The following CDH2 variants were observed in gnomAD, a reference collection of about 807,000 sequenced individuals.
CDH2 encodes the protein cadherin 2.
A neutral mutation model predicts 92.0 loss-of-function variants in CDH2; 17 were observed. The observed-to-expected ratio is 0.18, with a 90% CI of 0.13 to 0.28. The LOEUF (loss-of-function observed/expected upper bound fraction) is 0.28, where lower values mean the gene tolerates loss of function less well. Among genes scored for constraint, CDH2 ranks in the 10% least tolerant of loss-of-function variants. CDH2 has a pLI of 1.00. For missense variants in CDH2, 862 were observed against 1,133.1 expected, an observed-to-expected ratio of 0.76 and a Z score of 3.44; for synonymous variants, 419 against 415.9, an observed-to-expected ratio of 1.01 and a Z score of -0.09.
At chr18:28,058,154 T>C (rs1009903745) in intron 2 of CDH2, among the ~76,000 whole-genome samples, 2 of 152,242 alleles carry the variant, frequency 1.3e-5, no homozygotes, top group African/African-American at 4.8e-5. Flanking sequence ...AAGCAGTACA[T>C]GCAGGAAAGC....
At chr18:28,087,076 T>C (rs959454306) in intron 2 of CDH2, among the ~76,000 whole-genome samples, 1 of 152,192 alleles carries the variant, frequency 6.6e-6, no homozygotes, top group Middle Eastern at 3.2e-3. Flanking sequence ...AGCAGCTCTG[T>C]TGAGACAGCC....
intron 1 of CDH2, among the ~76,000 whole-genome samples, chr18:28,173,167 A>T (rs2016489330): frequency 6.6e-6 from 1 of 152,172 alleles, no homozygotes; most frequent in African/African-American, 2.4e-5. Flanking sequence ...TTAGAAGGTT[A>T]GGGCAGACTT....
intron 2 of CDH2, among the ~76,000 whole-genome samples, chr18:28,138,395 T>C (rs1258773881): frequency 6.6e-6 from 1 of 152,126 alleles, no homozygotes; most frequent in African/African-American, 2.4e-5. Flanking sequence ...AAATCCATTC[T>C]GGGCTGTACT....
At chr18:27,955,369 T>TAAAAAAAAAA (rs760993428) in intron 15 of CDH2, among the ~76,000 whole-genome samples, 4 of 30,850 alleles carry the variant, frequency 1.3e-4, no homozygotes, top group South Asian at 8.7e-4. Flanking sequence ...AGTATAATAG[T>TAAAAAAAAAA]AAAAAAAAAA....
chr18:28,145,718 T>G (rs1255792264), intron 2 of CDH2, among the ~76,000 whole-genome samples: 1 of 152,088 alleles, frequency 6.6e-6, no homozygotes, highest in Non-Finnish European at 1.5e-5. Flanking sequence ...GTTGTTTTTT[T>G]CTACTAATCA....
At chr18:27,985,294 T>G in intron 12 of CDH2, 61 bp from the exon 13 acceptor site, 1 of 978,972 alleles carries the variant, frequency 1.0e-6, no homozygotes, top group Non-Finnish European at 1.6e-6. Context: ...AAAAAACACA[T>G]AGCATTGTTC....
chr18:27,985,968 C>G (rs967406817), intron 11 of CDH2, among the ~76,000 whole-genome samples: 4 of 152,128 alleles, frequency 2.6e-5, no homozygotes, highest in African/African-American at 7.2e-5. Flanking sequence ...GCTGCCACTG[C>G]TGCTCTGCAG....
At chr18:28,041,676 C>G (rs1322887224) in intron 2 of CDH2, among the ~76,000 whole-genome samples, 1 of 152,168 alleles carries the variant, frequency 6.6e-6, no homozygotes, top group African/African-American at 2.4e-5. Flanking sequence ...AATTAAGAAG[C>G]AGTGCAGGCA....
At chr18:28,147,609 T>G in intron 2 of CDH2, 64 bp downstream of exon 2, 1 of 1,018,156 alleles carries the variant, frequency 9.8e-7, no homozygotes, top group Non-Finnish European at 1.5e-6. Flanking sequence ...TAGGCTTTTT[T>G]AATGGCTAAT....
At chr18:27,975,512 G>A (rs562951346) in intron 14 of CDH2, among the ~76,000 whole-genome samples, 48 of 152,330 alleles carry the variant, frequency 3.2e-4, no homozygotes, top group Admixed American at 2.9e-3. Flanking sequence ...GGAACCAGCC[G>A]GCCACTTTGG....
chr18:28,093,671 C>T (rs1249490135), intron 2 of CDH2, among the ~76,000 whole-genome samples: 2 of 152,148 alleles, frequency 1.3e-5, no homozygotes, highest in African/African-American at 4.8e-5. Flanking sequence ...AAATCACCAT[C>T]ACTGCCAGCC....
At chr18:28,071,035 C>T (rs1466876123) in intron 2 of CDH2, among the ~76,000 whole-genome samples, 1 of 151,970 alleles carries the variant, frequency 6.6e-6, no homozygotes, top group African/African-American at 2.4e-5. Flanking sequence ...CATGGATCTC[C>T]TTCTGATAAT....
chr18:28,171,111 T>C (rs1010764424), intron 1 of CDH2, among the ~76,000 whole-genome samples: 2 of 151,278 alleles, frequency 1.3e-5, no homozygotes, highest in African/African-American at 2.4e-5. Flanking sequence ...GCACACGTAA[T>C]CCCAGCTACA....
chr18:28,148,913 GA>G (rs1347248038), intron 1 of CDH2, among the ~76,000 whole-genome samples: 2 of 152,056 alleles, frequency 1.3e-5, no homozygotes, highest in Non-Finnish European at 2.9e-5. Flanking sequence ...TCAAATCCAA[GA>G]AAATAAGAAA....
chr18:28,127,202 G>GA (rs1315894291), intron 2 of CDH2, among the ~76,000 whole-genome samples: 12 of 151,318 alleles, frequency 7.9e-5, no homozygotes, highest in Admixed American at 3.9e-4. Flanking sequence ...TTCTTTTGTA[G>GA]AAAAAAAAAC....
intron 9 of CDH2, among the ~76,000 whole-genome samples, chr18:27,992,378 CTCAAAACTCTCAT>C (rs201945640): frequency 0.014 from 2,200 of 152,282 alleles, 50 homozygotes; most frequent in African/African-American, 0.051. Context: ...AAAACTCTCA[CTCAAAACTCTCAT>C]TCAAAAACTC....
At chr18:28,112,600 TC>T (rs2015431236) in intron 2 of CDH2, among the ~76,000 whole-genome samples, 1 of 152,228 alleles carries the variant, frequency 6.6e-6, no homozygotes, top group Non-Finnish European at 1.5e-5. Flanking sequence ...GTTCTCATGA[TC>T]ATCTTTTTAA....
intron 2 of CDH2, among the ~76,000 whole-genome samples, chr18:28,096,469 A>G (rs973136726): frequency 7.2e-5 from 11 of 151,808 alleles, no homozygotes; most frequent in Non-Finnish European, 1.5e-4. Context: ...AATACTATTA[A>G]TTAGTAACAC....
At chr18:28,165,854 T>A (rs908055989) in intron 1 of CDH2, among the ~76,000 whole-genome samples, 1 of 151,788 alleles carries the variant, frequency 6.6e-6, no homozygotes, top group Non-Finnish European at 1.5e-5. Flanking sequence ...ATGTACTTGA[T>A]AAAAGAAGCA....
Sources: gnomAD v4.1 joint callset for allele counts (sites outside exome capture counted in the v4.1 genomes callset) on GRCh38, gnomAD v4.1.1 for gene constraint, MANE v1.5 for transcripts, NCBI Gene and HGNC (gene_info 2026-07-23, HGNC 2026-07-21) for gene names.